The following CNTNAP2 variants were observed in gnomAD, a reference collection of about 807,000 sequenced individuals.
The protein encoded by CNTNAP2 is contactin-associated protein-like 2.
CNTNAP2 carries 98 observed loss-of-function variants against 155.2 expected under a neutral mutation model. The observed-to-expected ratio is 0.63, with a 90% CI of 0.54 to 0.75. CNTNAP2 has a LOEUF of 0.75. CNTNAP2 is among the 30% of genes least tolerant of loss of function. The probability of loss-of-function intolerance (pLI) is 0.00; values close to 1 mark genes in which losing one functional copy is unlikely to be tolerated. For synonymous variants in CNTNAP2, 651 were observed against 631.2 expected (o/e 1.03, Z -0.47); for missense variants, 1,727 against 1,688.1 (o/e 1.02, Z -0.40).
intron 1 of CNTNAP2, among the ~76,000 whole-genome samples, chr7:146,200,078 CATG>C (rs1240425433): frequency 6.6e-6 from 1 of 152,170 alleles, no homozygotes; most frequent in Non-Finnish European, 1.5e-5. Flanking sequence ...AAAATATTCA[CATG>C]ATAACTGTTT....
At chr7:146,493,709 T>C (rs1797171897) in intron 1 of CNTNAP2, among the ~76,000 whole-genome samples, 1 of 152,074 alleles carries the variant, frequency 6.6e-6, no homozygotes, top group African/African-American at 2.4e-5. Flanking sequence ...GGGTGTGTTC[T>C]TGGTAAAAAC....
chr7:147,146,036 C>T (rs1801694427), intron 8 of CNTNAP2, among the ~76,000 whole-genome samples: 1 of 152,120 alleles, frequency 6.6e-6, no homozygotes, highest in Non-Finnish European at 1.5e-5. Flanking sequence ...AATTATGCAA[C>T]TTTGTGTGAG....
chr7:148,049,211 G>A (rs183003831), intron 15 of CNTNAP2, among the ~76,000 whole-genome samples: 216 of 152,008 alleles, frequency 1.4e-3, no homozygotes, highest in Non-Finnish European at 2.5e-3. Context: ...GCAAAACTCC[G>A]TCTCAAAAAA....
At chr7:146,855,807 G>GTATATA (rs367900395) in intron 3 of CNTNAP2, among the ~76,000 whole-genome samples, 128 of 110,978 alleles carry the variant, frequency 1.2e-3, no homozygotes, top group Non-Finnish European at 1.7e-3. Flanking sequence ...GTGTTAATGA[G>GTATATA]TATATATATA....
intron 8 of CNTNAP2, among the ~76,000 whole-genome samples, chr7:147,237,045 T>G: frequency 8.0e-6 from 1 of 124,530 alleles, no homozygotes; most frequent in Admixed American, 8.7e-5. Context: ...AGCCTTCACC[T>G]CCTCTTTTTT....
intron 1 of CNTNAP2, among the ~76,000 whole-genome samples, chr7:146,189,213 T>C (rs1297386026): frequency 1.3e-5 from 2 of 152,138 alleles, no homozygotes; most frequent in Non-Finnish European, 2.9e-5. Context: ...ATCTGTAAAA[T>C]AGAATAACAT....
At chr7:146,855,600 TTTTG>T in intron 3 of CNTNAP2, among the ~76,000 whole-genome samples, 1 of 151,884 alleles carries the variant, frequency 6.6e-6, no homozygotes, top group South Asian at 2.1e-4. Context: ...GTATGTTAAC[TTTTG>T]TTTAAGAAAG....
At chr7:147,635,478 C>T (rs1795163220) in intron 12 of CNTNAP2, among the ~76,000 whole-genome samples, 1 of 151,924 alleles carries the variant, frequency 6.6e-6, no homozygotes. Flanking sequence ...TAGATACATT[C>T]CCTAGATCTG....
intron 21 of CNTNAP2, among the ~76,000 whole-genome samples, chr7:148,345,687 C>T (rs1254901429): frequency 6.6e-6 from 1 of 152,090 alleles, no homozygotes; most frequent in African/African-American, 2.4e-5. Context: ...CCGGCCGTCA[C>T]TAGATATTTA....
At chr7:147,511,257 C>T (rs372216109) in intron 11 of CNTNAP2, among the ~76,000 whole-genome samples, 11 of 152,052 alleles carry the variant, frequency 7.2e-5, no homozygotes, top group East Asian at 1.9e-4. Context: ...TCGTGAATAC[C>T]GACCTTTCAC....
chr7:146,638,480 T>C (rs73739189), intron 1 of CNTNAP2, among the ~76,000 whole-genome samples: 55 of 25,890 alleles, frequency 2.1e-3, no homozygotes, highest in South Asian at 3.4e-3. Context: ...GTGTTTCTTT[T>C]TTTTTTTTTT....
intron 2 of CNTNAP2, among the ~76,000 whole-genome samples, chr7:146,816,242 T>C (rs10267652): frequency 0.02 from 3,113 of 152,260 alleles, 99 homozygotes; most frequent in African/African-American, 0.072. Flanking sequence ...AGAGAAGTTA[T>C]AGCACTTCAA....
intron 15 of CNTNAP2, 102 bp from the exon 16 acceptor site, chr7:148,118,016 T>G (rs957022606): frequency 1.6e-6 from 2 of 1,227,964 alleles, no homozygotes; most frequent in African/African-American, 3.0e-5. Context: ...AAATAATGAC[T>G]ATTGCTAATG....
chr7:146,601,530 A>G (rs1256405625), intron 1 of CNTNAP2, among the ~76,000 whole-genome samples: 2 of 152,114 alleles, frequency 1.3e-5, no homozygotes, highest in African/African-American at 4.8e-5. Context: ...AAATATGTCA[A>G]TTCTTCCTAT....
intron 4 of CNTNAP2, 39 bp from the exon 5 acceptor site, chr7:147,108,106 TAC>T (rs780536418): frequency 6.4e-7 from 1 of 1,570,248 alleles, no homozygotes; most frequent in East Asian, 2.2e-5. Flanking sequence ...GATGGTAACA[TAC>T]ATGGCTGAAC....
chr7:147,490,397 C>T (rs1480907616), intron 11 of CNTNAP2, among the ~76,000 whole-genome samples: 1 of 152,134 alleles, frequency 6.6e-6, no homozygotes, highest in Non-Finnish European at 1.5e-5. Context: ...CCTCTGGGTT[C>T]ATAAATGTGT....
At chr7:146,484,591 A>G (rs1435060378) in intron 1 of CNTNAP2, among the ~76,000 whole-genome samples, 1 of 152,208 alleles carries the variant, frequency 6.6e-6, no homozygotes, top group Non-Finnish European at 1.5e-5. Context: ...TAGACAAAAA[A>G]GACATTATAC....
intron 8 of CNTNAP2, among the ~76,000 whole-genome samples, chr7:147,286,035 G>C (rs185106209): frequency 9.5e-4 from 144 of 152,054 alleles, no homozygotes; most frequent in African/African-American, 3.2e-3. Flanking sequence ...CATATCATTA[G>C]ACCATACAGT....
intron 13 of CNTNAP2, among the ~76,000 whole-genome samples, chr7:147,680,487 G>A (rs1795931476): frequency 1.3e-5 from 2 of 151,926 alleles, no homozygotes; most frequent in South Asian, 4.1e-4. Flanking sequence ...TGGCCGAAGT[G>A]CTAAAGCAAT....
Sources: gnomAD v4.1 joint callset for allele counts (sites outside exome capture counted in the v4.1 genomes callset) on GRCh38, gnomAD v4.1.1 for gene constraint, MANE v1.5 for transcripts, NCBI Gene and HGNC (gene_info 2026-07-23, HGNC 2026-07-21) for gene names.